The following NCAM2 variants were observed in gnomAD, a reference collection of about 807,000 sequenced individuals.
NCAM2 encodes N-CAM-2.
In NCAM2, 30 loss-of-function variants were observed where a neutral mutation model predicts 98.1. The ratio of observed to expected loss-of-function variants is 0.31; its 90% confidence interval spans 0.23 to 0.41. The LOEUF is 0.41. Among genes scored for constraint, NCAM2 ranks in the 10% least tolerant of loss-of-function variants. The pLI, the probability that NCAM2 is intolerant of heterozygous loss-of-function variation, is 1.00. For missense variants in NCAM2, 867 were observed against 1,005.8 expected (o/e 0.86, Z 1.87); for synonymous variants, 368 against 342.4 (o/e 1.07, Z -0.83).
At chr21:21,419,960 A>C (rs980975609) in intron 11 of NCAM2, among the ~76,000 whole-genome samples, 6 of 152,098 alleles carry the variant, frequency 3.9e-5, no homozygotes, top group African/African-American at 1.4e-4. Flanking sequence ...TGGTTGAACT[A>C]GTTTACAGTC....
intron 1 of NCAM2, among the ~76,000 whole-genome samples, chr21:21,162,929 A>G (rs1454617836): frequency 6.6e-6 from 1 of 152,172 alleles, no homozygotes. Flanking sequence ...GCCACTTAGA[A>G]GAAATTTGGC....
chr21:21,195,912 A>G (rs893547267), intron 1 of NCAM2, among the ~76,000 whole-genome samples: 3 of 152,226 alleles, frequency 2.0e-5, no homozygotes, highest in African/African-American at 7.2e-5. Flanking sequence ...CATTGATCAT[A>G]TGTACTTATA....
chr21:21,467,875 A>G (rs897794755), intron 13 of NCAM2, among the ~76,000 whole-genome samples: 2 of 151,910 alleles, frequency 1.3e-5, no homozygotes, highest in African/African-American at 4.8e-5. Context: ...AAGAATGAAG[A>G]AAAGAAAGAA....
intron 1 of NCAM2, among the ~76,000 whole-genome samples, chr21:21,199,778 T>C (rs1207851726): frequency 6.6e-6 from 1 of 152,192 alleles, no homozygotes. Flanking sequence ...GGAAGTTTTG[T>C]TGTCCTGTTC....
intron 9 of NCAM2, among the ~76,000 whole-genome samples, chr21:21,400,350 A>G (rs561214697): frequency 6.6e-6 from 1 of 152,314 alleles, no homozygotes; most frequent in Non-Finnish European, 1.5e-5. Flanking sequence ...TTTCATTGTG[A>G]TAACAGCTAA....
intron 1 of NCAM2, among the ~76,000 whole-genome samples, chr21:21,027,367 G>A (rs1479489018): frequency 2.0e-5 from 3 of 152,158 alleles, no homozygotes; most frequent in Admixed American, 1.3e-4. Context: ...TAGAAATTTG[G>A]TTCATAGAGA....
intron 15 of NCAM2, among the ~76,000 whole-genome samples, chr21:21,481,078 G>A (rs1361715483): frequency 2.0e-5 from 3 of 152,326 alleles, no homozygotes; most frequent in African/African-American, 2.4e-5. Context: ...AATGGTATGT[G>A]AGTGAGGGTA....
chr21:21,068,135 C>CTT (rs68078560), intron 1 of NCAM2, among the ~76,000 whole-genome samples: 43 of 88,562 alleles, frequency 4.9e-4, no homozygotes, highest in African/African-American at 1.3e-3. Context: ...ACTTTTTTTT[C>CTT]TTTTTTTTTT....
intron 9 of NCAM2, among the ~76,000 whole-genome samples, chr21:21,386,143 C>A (rs1256636190): frequency 6.6e-6 from 1 of 151,724 alleles, no homozygotes; most frequent in East Asian, 2.0e-4. Context: ...TAATTCTTAT[C>A]TCAAATTCTC....
chr21:21,356,616 A>G (rs939168628), intron 8 of NCAM2, among the ~76,000 whole-genome samples: 1 of 152,130 alleles, frequency 6.6e-6, no homozygotes, highest in African/African-American at 2.4e-5. Flanking sequence ...ACTAACCCCA[A>G]TTCACTTAAC....
intron 5 of NCAM2, among the ~76,000 whole-genome samples, chr21:21,315,445 T>A (rs936955444): frequency 2.0e-5 from 3 of 152,216 alleles, no homozygotes; most frequent in African/African-American, 7.2e-5. Flanking sequence ...TATCTCTCTC[T>A]GCCCCAACTA....
rs543136137 is a variant in NCAM2, at chr21:21,385,371, AAC to A, written c.1195+11385_1195+11386del. ...ATTACAAAGACATTACACAATGTTAAACACACACACACACACACACACACACA... is the reference window on the plus strand; with the variant it reads ...ATTACAAAGACATTACACAATGTTAAACACACACACACACACACACACACA... On this transcript the variant is annotated intron_variant, in intron 9 of 17. Coordinates refer to ENST00000400546, the MANE Select transcript of NCAM2 (RefSeq NM_004540.5). Among the ~76,000 whole-genome samples, 479 of 110,042 alleles carry A rather than the reference AAC, an allele frequency of 4.4e-3. 3 individuals carry two copies. The highest frequency in any genetic ancestry group is 9.1e-3 in the South Asian group (32 of 3,498). The allele number at this position is 110,042 out of a possible 152,430, so 72.2% of individuals were successfully genotyped here.
chr21:21,265,110 A>G (rs1164367516), intron 1 of NCAM2, among the ~76,000 whole-genome samples: 30 of 41,464 alleles, frequency 7.2e-4, no homozygotes, highest in African/African-American at 2.1e-3. Context: ...TATATAATAT[A>G]TATACATACA....
At position 21,134,030 on chromosome 21, in the gene NCAM2, C is replaced by T. The variant is rs117537832; in HGVS notation, c.55+135412C>T. On this transcript the variant is annotated intron_variant, in intron 1 of 17. Transcript: ENST00000400546. ...TTCTCCCTAGCCCTGGTCTCTGTGG[C>T]CCTTATCTTCACACTTTGGGTGGCA... Among the ~76,000 whole-genome samples the T allele has an allele frequency of 1.1e-4, 16 of 150,384 alleles. No homozygotes were observed. The East Asian group carries it at 3.2e-3, about 30-fold the overall frequency.
At chr21:21,280,995 T>G (rs982873230) in intron 2 of NCAM2, among the ~76,000 whole-genome samples, 3 of 152,102 alleles carry the variant, frequency 2.0e-5, no homozygotes, top group Non-Finnish European at 4.4e-5. Context: ...TTCACCATGT[T>G]GGCCAGGCTG....
chr21:21,104,734 T>G (rs1317585011), intron 1 of NCAM2, among the ~76,000 whole-genome samples: 2 of 152,172 alleles, frequency 1.3e-5, no homozygotes, highest in Non-Finnish European at 2.9e-5. Context: ...TTTAGTAATC[T>G]CTGCCTTGGG....
rs1305277224 is a variant in NCAM2, at chr21:21,276,093, G to T, written c.56-4485G>T. The stretch of plus-strand genomic sequence containing the variant: ...CTATCCTTTTATAACAATATCTATG[G>T]CATTTTTTATCTTTTTATGTTTCAT... On this transcript the variant is annotated intron_variant, in intron 1 of 17. Transcript: ENST00000400546. Among the ~76,000 whole-genome samples the T allele has an allele frequency of 2.6e-5, 4 of 151,744 alleles. No individual in the cohort carries two copies. In the East Asian group the frequency reaches 7.7e-4, roughly 29 times the overall value.
chr21:21,332,640 G>T (rs1341007068), intron 6 of NCAM2, among the ~76,000 whole-genome samples: 1 of 152,106 alleles, frequency 6.6e-6, no homozygotes. Context: ...TAGCTCTGTT[G>T]TCTGTGCAGC....
chr21:21,455,169 TAATCTTC>T (rs1460854490), intron 12 of NCAM2, among the ~76,000 whole-genome samples: 1 of 121,726 alleles, frequency 8.2e-6, no homozygotes, highest in Non-Finnish European at 1.6e-5. Context: ...AATTCTAACA[TAATCTTC>T]CACTCAGAGT....
Sources: gnomAD v4.1 joint callset for allele counts (sites outside exome capture counted in the v4.1 genomes callset) on GRCh38, gnomAD v4.1.1 for gene constraint, MANE v1.5 for transcripts, NCBI Gene and HGNC (gene_info 2026-07-23, HGNC 2026-07-21) for gene names.